The following HTR1F variants were observed in gnomAD, a reference collection of about 807,000 sequenced individuals.
The protein encoded by HTR1F is 5-hydroxytryptamine (serotonin) receptor 1F, G protein-coupled.
HTR1F carries 17 observed loss-of-function variants against 24.0 expected under a neutral mutation model. The ratio of observed to expected loss-of-function variants is 0.71; its 90% CI spans 0.48 to 1.06. The LOEUF is 1.06. Ranked by LOEUF, HTR1F falls within the 50% of genes least tolerant of loss-of-function variation. The pLI is 0.00. For missense variants in HTR1F, 391 were observed against 427.8 expected, an observed-to-expected ratio of 0.91 and a Z score of 0.76; for synonymous variants, 186 against 156.8, an observed-to-expected ratio of 1.19 and a Z score of -1.39.
At chr3:87,881,870 A>G (rs905537602) in intron 2 of HTR1F, among the ~76,000 whole-genome samples, 9 of 152,342 alleles carry the variant, frequency 5.9e-5, no homozygotes, top group Non-Finnish European at 1.2e-4. Context: ...GGATCTAATT[A>G]AACTAAAGAG....
intron 2 of HTR1F, among the ~76,000 whole-genome samples, chr3:87,989,383 A>G (rs1466379921): frequency 6.6e-6 from 1 of 152,124 alleles, no homozygotes; most frequent in Non-Finnish European, 1.5e-5. Context: ...GACTTGTTTG[A>G]TCATAGCTGT....
At chr3:87,945,373 C>T (rs1704673010) in intron 2 of HTR1F, among the ~76,000 whole-genome samples, 1 of 152,074 alleles carries the variant, frequency 6.6e-6, no homozygotes, top group Non-Finnish European at 1.5e-5. Flanking sequence ...ACCATTAGTA[C>T]CTAGGAGGCA....
intron 2 of HTR1F, among the ~76,000 whole-genome samples, chr3:87,969,496 A>T (rs147140957): frequency 6.6e-6 from 1 of 152,268 alleles, no homozygotes; most frequent in East Asian, 1.9e-4. Context: ...TTGGACTTTC[A>T]CGGGGCCTGT....
intron 2 of HTR1F, among the ~76,000 whole-genome samples, chr3:87,985,691 T>A (rs1429606252): frequency 1.3e-5 from 2 of 152,222 alleles, no homozygotes; most frequent in African/African-American, 4.8e-5. Flanking sequence ...TCGTGAGGTC[T>A]CAGTAGAATT....
At chr3:87,967,380 G>A (rs1705187871) in intron 2 of HTR1F, among the ~76,000 whole-genome samples, 1 of 152,052 alleles carries the variant, frequency 6.6e-6, no homozygotes, top group African/African-American at 2.4e-5. Flanking sequence ...AACCAAGGAG[G>A]CGGAGGTTAC....
chr3:87,858,556 T>G (rs1705249588), intron 2 of HTR1F, among the ~76,000 whole-genome samples: 1 of 152,180 alleles, frequency 6.6e-6, no homozygotes, highest in South Asian at 2.1e-4. Context: ...ACCTATATTT[T>G]GGGGGACTAA....
intron 2 of HTR1F, among the ~76,000 whole-genome samples, chr3:87,841,270 A>T (rs1299086598): frequency 1.3e-5 from 2 of 151,918 alleles, no homozygotes; most frequent in Non-Finnish European, 2.9e-5. Context: ...AATTAAAAAT[A>T]AAACTCTTAA....
chr3:87,820,981 A>C (rs1414317233), intron 1 of HTR1F, among the ~76,000 whole-genome samples: 1 of 152,194 alleles, frequency 6.6e-6, no homozygotes, highest in Non-Finnish European at 1.5e-5. Flanking sequence ...ACTGAAGGTA[A>C]TAATTGATTT....
intron 2 of HTR1F, among the ~76,000 whole-genome samples, chr3:87,870,990 A>G (rs1227345779): frequency 2.8e-5 from 2 of 70,582 alleles, no homozygotes; most frequent in East Asian, 5.3e-4. Context: ...CAAATCTCAG[A>G]AAAAAAAAAA....
intron 2 of HTR1F, among the ~76,000 whole-genome samples, chr3:87,832,437 C>T (rs1437494966): frequency 1.3e-5 from 2 of 150,138 alleles, no homozygotes; most frequent in African/African-American, 4.9e-5. Context: ...AAGCAATTCT[C>T]TTGCCTCAGC....
chr3:87,835,605 G>T (rs1362516315), intron 2 of HTR1F, among the ~76,000 whole-genome samples: 2 of 152,128 alleles, frequency 1.3e-5, no homozygotes, highest in Non-Finnish European at 2.9e-5. Flanking sequence ...AATGTTCTTG[G>T]CTGATTATTT....
intron 2 of HTR1F, among the ~76,000 whole-genome samples, chr3:87,975,285 T>A (rs1257975980): frequency 5.9e-5 from 9 of 151,438 alleles, no homozygotes; most frequent in Non-Finnish European, 2.9e-5. Flanking sequence ...AAAATCCAAA[T>A]CTCAAAAAAA....
intron 2 of HTR1F, among the ~76,000 whole-genome samples, chr3:87,881,350 A>G (rs1575981717): frequency 6.6e-6 from 1 of 152,282 alleles, no homozygotes; most frequent in South Asian, 2.1e-4. Flanking sequence ...TCTGAGATCC[A>G]CCTGCAAGGC....
At chr3:87,794,572 C>T (rs1027606035) in intron 1 of HTR1F, among the ~76,000 whole-genome samples, 2 of 152,170 alleles carry the variant, frequency 1.3e-5, no homozygotes, top group Non-Finnish European at 2.9e-5. Flanking sequence ...TATTTTTCCA[C>T]ACGTCTTTCA....
At chr3:87,983,238 T>C (rs1187593689) in intron 2 of HTR1F, among the ~76,000 whole-genome samples, 1 of 152,028 alleles carries the variant, frequency 6.6e-6, no homozygotes, top group Non-Finnish European at 1.5e-5. Flanking sequence ...GTCAGGATCC[T>C]AGAGGCCAGA....
chr3:87,992,529 A>G lies in HTR1F; in HGVS notation c.*679A>G, dbSNP rs1705860151. The G allele has an allele frequency of 6.0e-6, 1 of 167,052 alleles. No individual in the cohort carries two copies. Among genetic ancestry groups the G allele is most frequent in the South Asian group, 2.1e-4 (1 of 4,834 alleles). The allele number at this position is 167,052 out of a possible 1,614,324, so 10.3% of individuals were successfully genotyped here. ...TATGTTTGATATAAACTTCTAGAAT[A>G]ATATTATCTTATCCTTATATTATCA... On this transcript the variant is annotated 3_prime_UTR_variant, in exon 3 of 3. Transcript: ENST00000319595.
chr3:87,813,485 T>C (rs1286191485), intron 1 of HTR1F, among the ~76,000 whole-genome samples: 2 of 152,184 alleles, frequency 1.3e-5, no homozygotes, highest in African/African-American at 4.8e-5. Flanking sequence ...TTGTCTCAGG[T>C]GAGACTTTGG....
At position 87,914,564 on chromosome 3, in the gene HTR1F, T is replaced by C. The variant is rs535366232; in HGVS notation, c.-42-76144T>C. Among the ~76,000 whole-genome samples, 388 of 152,096 alleles carry C rather than the reference T, an allele frequency of 2.6e-3. 2 individuals carry two copies. Among genetic ancestry groups the C allele is most frequent in the African/African-American group, 9.1e-3 (378 of 41,506 alleles). On this transcript the variant is annotated intron_variant, in intron 2 of 2. Transcript: ENST00000319595. Reference sequence around the variant, plus strand: ...TTAGGAGACAGGTGAGGCCTGTAACTGCCAGCTTTCCCCCCACTTCCCTGA... The same window carrying C: ...TTAGGAGACAGGTGAGGCCTGTAACCGCCAGCTTTCCCCCCACTTCCCTGA...
chr3:87,870,379 T>C (rs1333831834), intron 2 of HTR1F, among the ~76,000 whole-genome samples: 1 of 152,064 alleles, frequency 6.6e-6, no homozygotes. Flanking sequence ...AACAATATAT[T>C]AGCCAAAAAG....
Sources: gnomAD v4.1 joint callset for allele counts (sites outside exome capture counted in the v4.1 genomes callset) on GRCh38, gnomAD v4.1.1 for gene constraint, MANE v1.5 for transcripts, NCBI Gene and HGNC (gene_info 2026-07-23, HGNC 2026-07-21) for gene names.